The following PRELID2 variants were observed in gnomAD, a reference collection of about 807,000 sequenced individuals.
The protein encoded by PRELID2 is PRELI domain containing 2.
PRELID2 carries 25 observed loss-of-function variants against 28.4 expected under a neutral mutation model. That is an observed-to-expected ratio of 0.88 (90% CI 0.64 to 1.23). The LOEUF is 1.23. Among genes scored for constraint, PRELID2 ranks in the 50% most tolerant of loss-of-function variants. The pLI is 0.00. For synonymous variants in PRELID2, 76 were observed against 71.6 expected, an observed-to-expected ratio of 1.06 and a Z score of -0.31; for missense variants, 201 against 214.4, an observed-to-expected ratio of 0.94 and a Z score of 0.39.
At chr5:145,740,843 TAAATATATATGTACATATATTTATCG>T (rs1316223085) in intron 1 of PRELID2, among the ~76,000 whole-genome samples, 55,341 of 110,660 alleles carry the variant, frequency 0.5, 21,630 homozygotes, top group East Asian at 0.65. Flanking sequence ...TATTTATCGA[TAAATATATATGTACATATATTTATCG>T]ATAAATATAT....
the PRELID2 span, among the ~76,000 whole-genome samples, chr5:145,321,665 T>C: frequency 6.6e-6 from 1 of 152,198 alleles, no homozygotes; most frequent in Non-Finnish European, 1.5e-5. Context: ...GATATTGATT[T>C]AAACTCATCA....
intron 1 of PRELID2, among the ~76,000 whole-genome samples, chr5:145,592,406 C>T (rs936167818): frequency 4.0e-5 from 6 of 151,142 alleles, no homozygotes; most frequent in South Asian, 2.1e-4. Context: ...GGCAACAGAG[C>T]GAGACTCTGT....
chr5:145,293,015 T>C, the PRELID2 span, among the ~76,000 whole-genome samples: 60,833 of 151,998 alleles, frequency 0.4, 13,217 homozygotes, highest in African/African-American at 0.57. Context: ...ACCACCATGA[T>C]CATTCTCCAA....
At chr5:145,781,960 AGAGT>A (rs960019127) in intron 5 of PRELID2, among the ~76,000 whole-genome samples, 2 of 152,046 alleles carry the variant, frequency 1.3e-5, no homozygotes, top group African/African-American at 4.8e-5. Flanking sequence ...TTAGCACAAA[AGAGT>A]GAGAGAAGAG....
At chr5:145,564,826 T>A (rs1244760353) in intron 1 of PRELID2, among the ~76,000 whole-genome samples, 2 of 152,200 alleles carry the variant, frequency 1.3e-5, no homozygotes, top group African/African-American at 4.8e-5. Flanking sequence ...CAAATAAGGC[T>A]TCATCTTCTT....
chr5:145,514,040 C>T (rs1036832602), intron 1 of PRELID2, among the ~76,000 whole-genome samples: 2 of 152,140 alleles, frequency 1.3e-5, no homozygotes, highest in Non-Finnish European at 2.9e-5. Flanking sequence ...ACTGCAAAAA[C>T]ATACCAAATT....
chr5:145,468,867 C>T (rs946007147), downstream of PRELID2, among the ~76,000 whole-genome samples: 9 of 152,116 alleles, frequency 5.9e-5, no homozygotes, highest in Admixed American at 3.9e-4. Flanking sequence ...CTGTAGGTTG[C>T]CTGCTCACTC....
At chr5:145,777,179 T>C (rs1266897911) in intron 5 of PRELID2, among the ~76,000 whole-genome samples, 1 of 152,210 alleles carries the variant, frequency 6.6e-6, no homozygotes, top group East Asian at 1.9e-4. Context: ...AGTGAGCTGC[T>C]GGAAAAGTAA....
intron 1 of PRELID2, among the ~76,000 whole-genome samples, chr5:145,593,553 G>A (rs1298981057): frequency 6.6e-6 from 1 of 152,090 alleles, no homozygotes; most frequent in Non-Finnish European, 1.5e-5. Flanking sequence ...GGCAACTTTT[G>A]AATCCTAAGG....
chr5:145,419,331 T>C, the PRELID2 span, among the ~76,000 whole-genome samples: 1 of 126,664 alleles, frequency 7.9e-6, no homozygotes, highest in Non-Finnish European at 1.7e-5. Context: ...GTTGAACTAG[T>C]TTACAGTCCC....
intron 1 of PRELID2, among the ~76,000 whole-genome samples, chr5:145,591,514 T>C (rs1284443138): frequency 6.6e-6 from 1 of 152,168 alleles, no homozygotes; most frequent in Non-Finnish European, 1.5e-5. Context: ...AGTAACAATC[T>C]ATGTAATTTT....
intron 1 of PRELID2, among the ~76,000 whole-genome samples, chr5:145,649,721 C>G (rs1362814160): frequency 6.6e-6 from 1 of 152,306 alleles, no homozygotes; most frequent in African/African-American, 2.4e-5. Flanking sequence ...GATTGCATTT[C>G]AAGGCTCCAA....
the PRELID2 span, among the ~76,000 whole-genome samples, chr5:145,291,895 T>A: frequency 2.0e-5 from 3 of 152,242 alleles, no homozygotes; most frequent in Admixed American, 2.0e-4. Flanking sequence ...CTTTCTTGAT[T>A]GAATTGCCTT....
intron 1 of PRELID2, among the ~76,000 whole-genome samples, chr5:145,523,812 GTTATC>G (rs747572932): frequency 6.6e-6 from 1 of 152,080 alleles, no homozygotes; most frequent in African/African-American, 2.4e-5. Flanking sequence ...TATATTTTTA[GTTATC>G]TTATATTTAG....
At chr5:145,704,626 G>T (rs1012351275) in intron 1 of PRELID2, among the ~76,000 whole-genome samples, 1 of 152,188 alleles carries the variant, frequency 6.6e-6, no homozygotes, top group African/African-American at 2.4e-5. Context: ...TCCTCTTAAT[G>T]TCCCCCAGTG....
the PRELID2 span, among the ~76,000 whole-genome samples, chr5:145,299,796 C>G: frequency 6.6e-6 from 1 of 151,934 alleles, no homozygotes; most frequent in Non-Finnish European, 1.5e-5. Flanking sequence ...GTGATAATTT[C>G]TTTCTGCCAT....
At chr5:145,490,439 A>T (rs1752258838) in intron 1 of PRELID2, among the ~76,000 whole-genome samples, 2 of 152,218 alleles carry the variant, frequency 1.3e-5, no homozygotes, top group South Asian at 4.1e-4. Context: ...GCTCTCTTGA[A>T]ACTAATATAT....
intron 4 of PRELID2, among the ~76,000 whole-genome samples, chr5:145,798,856 C>T (rs1369279753): frequency 6.6e-6 from 1 of 152,026 alleles, no homozygotes; most frequent in Non-Finnish European, 1.5e-5. Flanking sequence ...GGGAACATCA[C>T]ACACCAGGGC....
chr5:145,246,645 C>A, the PRELID2 span, among the ~76,000 whole-genome samples: 15 of 152,138 alleles, frequency 9.9e-5, no homozygotes, highest in East Asian at 2.9e-3. Flanking sequence ...GTATGAGAGA[C>A]ATGGTAAGAG....
Sources: allele counts gnomAD v4.1 joint callset (sites outside exome capture counted in the v4.1 genomes callset), GRCh38; gene constraint gnomAD v4.1.1; transcripts MANE v1.5; gene names NCBI Gene and HGNC (gene_info 2026-07-23, HGNC 2026-07-21).